NDUFAF2: variants seen among roughly 807,000 people sequenced by gnomAD.
NDUFAF2 encodes NADH dehydrogenase [ubiquinone] 1 alpha subcomplex assembly factor 2.
A neutral mutation model predicts 22.8 loss-of-function variants in NDUFAF2; 13 were observed. That is an observed-to-expected ratio of 0.57 (90% CI 0.37 to 0.91). NDUFAF2 has a LOEUF of 0.91. Ranked by LOEUF, NDUFAF2 falls within the 40% of genes least tolerant of loss-of-function variation. The pLI, the probability that NDUFAF2 is intolerant of heterozygous loss-of-function variation, is 0.01. For synonymous variants in NDUFAF2, 53 were observed against 64.2 expected, an observed-to-expected ratio of 0.83 and a Z score of 0.84; for missense variants, 162 against 195.2, an observed-to-expected ratio of 0.83 and a Z score of 1.01.
chr5:61,149,020 G>C (rs555486124), intron 3 of NDUFAF2, among the ~76,000 whole-genome samples: 1 of 152,214 alleles, frequency 6.6e-6, no homozygotes, highest in East Asian at 1.9e-4. Flanking sequence ...ACCCAGGCTG[G>C]AGTGCAGTGG....
intron 2 of NDUFAF2, among the ~76,000 whole-genome samples, chr5:61,085,517 A>G (rs200376729): frequency 1.3e-5 from 2 of 152,182 alleles, no homozygotes; most frequent in East Asian, 1.9e-4. Flanking sequence ...TTGACTATTT[A>G]CATTTCACAT....
intron 1 of NDUFAF2, among the ~76,000 whole-genome samples, chr5:61,001,534 A>G (rs73095993): frequency 0.064 from 9,688 of 152,156 alleles, 1,014 homozygotes; most frequent in African/African-American, 0.22. Flanking sequence ...GTCGAGACAT[A>G]CAGAGTTTGT....
intron 3 of NDUFAF2, chr5:61,146,242 A>G (rs1327350609): frequency 6.6e-6 from 1 of 152,230 alleles, no homozygotes; most frequent in African/African-American, 2.4e-5. Context: ...TTCAATGGAC[A>G]GTGTAACAAT....
chr5:61,072,206 C>T (rs1752308354), intron 1 of NDUFAF2, among the ~76,000 whole-genome samples: 1 of 152,214 alleles, frequency 6.6e-6, no homozygotes, highest in Non-Finnish European at 1.5e-5. Flanking sequence ...CAGTAACATA[C>T]GAACTTAGTA....
At chr5:61,073,260 A>G in intron 2 of NDUFAF2, 46 bp downstream of exon 2, 2 of 1,300,986 alleles carry the variant, frequency 1.5e-6, no homozygotes, top group Non-Finnish European at 2.2e-6. Context: ...TAAGTTATAT[A>G]ACAGTATACA....
intron 1 of NDUFAF2, among the ~76,000 whole-genome samples, chr5:60,976,172 AAAT>A (rs1375318867): frequency 3.3e-5 from 5 of 150,784 alleles, no homozygotes; most frequent in African/African-American, 1.2e-4. Flanking sequence ...ACAGTTTCAA[AAAT>A]AATAAAGAAC....
At chr5:61,079,804 C>T (rs569772339) in intron 2 of NDUFAF2, among the ~76,000 whole-genome samples, 8 of 152,282 alleles carry the variant, frequency 5.3e-5, no homozygotes, top group East Asian at 3.9e-4. Flanking sequence ...TGTGAACTTG[C>T]GTGACCTTGG....
chr5:60,976,244 G>A (rs1580075476), intron 1 of NDUFAF2, among the ~76,000 whole-genome samples: 3 of 150,580 alleles, frequency 2.0e-5, no homozygotes, highest in African/African-American at 7.3e-5. Flanking sequence ...GGAATTTTTT[G>A]TTTTAATACG....
intron 3 of NDUFAF2, among the ~76,000 whole-genome samples, chr5:61,137,583 T>A (rs1371354361): frequency 6.6e-6 from 1 of 152,176 alleles, no homozygotes; most frequent in African/African-American, 2.4e-5. Flanking sequence ...TGTGAAGAAC[T>A]GAAAGAAAAA....
chr5:60,980,531 G>A (rs1750962826), intron 1 of NDUFAF2, among the ~76,000 whole-genome samples: 1 of 152,094 alleles, frequency 6.6e-6, no homozygotes, highest in Admixed American at 6.6e-5. Flanking sequence ...CAGCACTTTG[G>A]GAGGCTAAGA....
intron 1 of NDUFAF2, among the ~76,000 whole-genome samples, chr5:61,032,882 C>A (rs1040320828): frequency 1.3e-5 from 2 of 152,088 alleles, no homozygotes; most frequent in Non-Finnish European, 2.9e-5. Flanking sequence ...TGAGGAATTG[C>A]CACACTGTCT....
chr5:61,026,059 A>G (rs1751645718), intron 1 of NDUFAF2, among the ~76,000 whole-genome samples: 2 of 152,134 alleles, frequency 1.3e-5, no homozygotes, highest in Admixed American at 1.3e-4. Flanking sequence ...ATTTTGCTGC[A>G]ACTGAAATTC....
At chr5:60,998,074 C>T (rs1229865756) in intron 1 of NDUFAF2, among the ~76,000 whole-genome samples, 1 of 152,104 alleles carries the variant, frequency 6.6e-6, no homozygotes, top group Non-Finnish European at 1.5e-5. Context: ...AGGTTTGTAG[C>T]CAGCAAAATG....
intron 1 of NDUFAF2, among the ~76,000 whole-genome samples, chr5:61,057,917 A>G (rs1015881130): frequency 6.6e-6 from 1 of 152,190 alleles, no homozygotes; most frequent in Non-Finnish European, 1.5e-5. Flanking sequence ...AGATTAATGA[A>G]GGGTATTAGT....
intron 2 of NDUFAF2, 113 bp downstream of exon 2, chr5:61,073,327 T>G: frequency 2.5e-6 from 2 of 813,896 alleles, no homozygotes; most frequent in Non-Finnish European, 4.2e-6. Context: ...AAAGTTTTAG[T>G]GTCTGAATGT....
chr5:60,976,465 A>G (rs887355387), intron 1 of NDUFAF2, among the ~76,000 whole-genome samples: 9 of 152,288 alleles, frequency 5.9e-5, no homozygotes, highest in African/African-American at 2.2e-4. Context: ...GTTGATCCTT[A>G]ACATATAGCT....
At chr5:61,034,533 A>C (rs1022675225) in intron 1 of NDUFAF2, among the ~76,000 whole-genome samples, 1 of 152,154 alleles carries the variant, frequency 6.6e-6, no homozygotes, top group African/African-American at 2.4e-5. Flanking sequence ...TCATTGACCA[A>C]AATGTTGGTG....
chr5:61,095,903 G>A (rs1001190456), intron 2 of NDUFAF2, among the ~76,000 whole-genome samples: 2 of 152,110 alleles, frequency 1.3e-5, no homozygotes, highest in African/African-American at 4.8e-5. Context: ...GCGAGTACCT[G>A]GATGTTTCAG....
intron 1 of NDUFAF2, among the ~76,000 whole-genome samples, chr5:61,006,929 A>G (rs1208811737): frequency 6.6e-6 from 1 of 152,120 alleles, no homozygotes; most frequent in Non-Finnish European, 1.5e-5. Context: ...ACAATATAGT[A>G]GAAAGAAGCT....
Sources: gnomAD v4.1 joint callset for allele counts (sites outside exome capture counted in the v4.1 genomes callset) on GRCh38, gnomAD v4.1.1 for gene constraint, MANE v1.5 for transcripts, NCBI Gene and HGNC (gene_info 2026-07-23, HGNC 2026-07-21) for gene names.